The following ANKIB1 variants were observed in gnomAD, a reference collection of about 807,000 sequenced individuals.
The protein encoded by ANKIB1 is ankyrin repeat and IBR domain-containing protein 1.
Under a neutral mutation model 122.1 loss-of-function variants are expected in ANKIB1, and 43 were observed. The observed-to-expected ratio is 0.35, with a 90% CI of 0.28 to 0.45. ANKIB1 has a LOEUF of 0.45. Ranked by LOEUF, ANKIB1 falls within the 20% of genes least tolerant of loss-of-function variation. ANKIB1 has a pLI of 1.00. For missense variants in ANKIB1, 992 were observed against 1,329.5 expected (o/e 0.75, Z 3.95); for synonymous variants, 390 against 442.0 (o/e 0.88, Z 1.48).
intron 1 of ANKIB1, among the ~76,000 whole-genome samples, chr7:92,248,335 A>G (rs901298981): frequency 1.3e-5 from 2 of 152,056 alleles, no homozygotes; most frequent in Admixed American, 1.3e-4. Flanking sequence ...CTCCTGAAAC[A>G]TGGGAGGGAA....
intron 2 of ANKIB1, among the ~76,000 whole-genome samples, chr7:92,295,756 TTAAAA>T (rs1562774028): frequency 6.6e-6 from 1 of 152,180 alleles, no homozygotes; most frequent in Non-Finnish European, 1.5e-5. Flanking sequence ...CTAAGAAACT[TTAAAA>T]AATACCTATT....
chr7:92,325,151 C>T (rs946906425), intron 4 of ANKIB1, among the ~76,000 whole-genome samples: 19 of 152,180 alleles, frequency 1.2e-4, no homozygotes, highest in Middle Eastern at 3.2e-3. Context: ...TGTGTGACTA[C>T]ATCTGAGTGT....
intron 11 of ANKIB1, among the ~76,000 whole-genome samples, chr7:92,378,262 C>A (rs2115663836): frequency 6.6e-6 from 1 of 151,578 alleles, no homozygotes; most frequent in Non-Finnish European, 1.5e-5. Context: ...TTGCAGTATA[C>A]CAATTGAGCA....
chr7:92,324,454 G>A (rs1467024555), intron 4 of ANKIB1, among the ~76,000 whole-genome samples: 1 of 152,144 alleles, frequency 6.6e-6, no homozygotes, highest in African/African-American at 2.4e-5. Context: ...TGCTGGTCTT[G>A]AACTCGTGAC....
At chr7:92,247,203 A>T (rs1050552246) in intron 1 of ANKIB1, among the ~76,000 whole-genome samples, 21 of 152,206 alleles carry the variant, frequency 1.4e-4, no homozygotes, top group African/African-American at 5.1e-4. Context: ...ATTTCAGAAG[A>T]GCTTTACTGG....
At chr7:92,288,356 A>G (rs1304120100) in intron 1 of ANKIB1, among the ~76,000 whole-genome samples, 1 of 152,224 alleles carries the variant, frequency 6.6e-6, no homozygotes, top group Admixed American at 6.5e-5. Context: ...ATTACAGAAG[A>G]CATAAATAGA....
intron 3 of ANKIB1, among the ~76,000 whole-genome samples, chr7:92,314,708 T>TA (rs1802757454): frequency 6.6e-6 from 1 of 152,192 alleles, no homozygotes; most frequent in Non-Finnish European, 1.5e-5. Flanking sequence ...AAATAATTCT[T>TA]ACACAGTTTG....
chr7:92,267,549 G>A (rs988445743), intron 1 of ANKIB1, among the ~76,000 whole-genome samples: 9 of 152,088 alleles, frequency 5.9e-5, no homozygotes, highest in African/African-American at 1.4e-4. Flanking sequence ...TCTCCATAGA[G>A]ATTTTTATTT....
chr7:92,362,242 G>A lies in ANKIB1; in HGVS notation c.1455G>A (p.Leu485=), dbSNP rs781493154. The part of the protein sequence containing the change: ...PCDCQTWKNW[L]QKITEMKPEE... ...ACTGCCAAACATGGAAGAATTGGCT[G>A]CAAAAAATAACCGAAATGAAACCAG... is the stretch of plus-strand genomic sequence containing the variant. Residue 485 remains leucine (L), a synonymous_variant, in exon 10 of 20, where the codon CTG becomes CTA. Coordinates refer to ENST00000265742, the MANE Select transcript of ANKIB1 (RefSeq NM_019004.2). The A allele has an allele frequency of 4.4e-6, 7 of 1,598,034 alleles. No homozygotes were observed. Among genetic ancestry groups the A allele is most frequent in the Non-Finnish European group, 6.0e-6 (7 of 1,171,940 alleles).
intron 2 of ANKIB1, among the ~76,000 whole-genome samples, chr7:92,301,218 A>G (rs2131927490): frequency 6.6e-6 from 1 of 152,280 alleles, no homozygotes; most frequent in Admixed American, 6.5e-5. Flanking sequence ...CAGAAGTAAG[A>G]TTCCTGGATC....
At chr7:92,367,455 G>A (rs976597260) in intron 10 of ANKIB1, among the ~76,000 whole-genome samples, 1 of 151,944 alleles carries the variant, frequency 6.6e-6, no homozygotes, top group African/African-American at 2.4e-5. Context: ...GTGTGATTAG[G>A]TACTATTTTA....
intron 11 of ANKIB1, among the ~76,000 whole-genome samples, chr7:92,373,840 G>C (rs938081045): frequency 2.7e-5 from 4 of 149,462 alleles, no homozygotes; most frequent in Non-Finnish European, 6.0e-5. Flanking sequence ...CTAAAAATAA[G>C]CTTGTTTATT....
intron 8 of ANKIB1, among the ~76,000 whole-genome samples, chr7:92,351,739 G>A (rs914925938): frequency 8.5e-6 from 1 of 117,202 alleles, no homozygotes; most frequent in African/African-American, 3.3e-5. Flanking sequence ...TTTTTTTTTG[G>A]AGACGGAGTC....
chr7:92,382,476 C>G (rs1050438234), intron 11 of ANKIB1, among the ~76,000 whole-genome samples: 1 of 152,136 alleles, frequency 6.6e-6, no homozygotes, highest in Non-Finnish European at 1.5e-5. Flanking sequence ...CAAAATTGAC[C>G]ACGTAGTTGG....
intron 10 of ANKIB1, among the ~76,000 whole-genome samples, chr7:92,366,658 CT>C (rs1258789402): frequency 6.6e-6 from 1 of 152,182 alleles, no homozygotes; most frequent in African/African-American, 2.4e-5. Context: ...TTTGGGGTTT[CT>C]TCCCACAATT....
At chr7:92,372,677 TCTTTA>T (rs1447658728) in intron 11 of ANKIB1, among the ~76,000 whole-genome samples, 3 of 152,194 alleles carry the variant, frequency 2.0e-5, no homozygotes, top group South Asian at 2.1e-4. Flanking sequence ...ATAAATACCC[TCTTTA>T]CTTACTTGTA....
At chr7:92,356,873 G>A (rs1315128289) in intron 9 of ANKIB1, among the ~76,000 whole-genome samples, 1 of 152,210 alleles carries the variant, frequency 6.6e-6, no homozygotes, top group Non-Finnish European at 1.5e-5. Context: ...AAGTGAGTCA[G>A]TACATGTGAA....
intron 19 of ANKIB1, 92 bp downstream of exon 19, chr7:92,397,951 C>G: frequency 6.9e-7 from 1 of 1,458,910 alleles, no homozygotes; most frequent in Non-Finnish European, 9.2e-7. Flanking sequence ...TTTCCTATTT[C>G]TTCCTTCCAT....
intron 17 of ANKIB1, among the ~76,000 whole-genome samples, chr7:92,394,231 T>G (rs1402637457): frequency 6.6e-6 from 1 of 152,196 alleles, no homozygotes; most frequent in African/African-American, 2.4e-5. Flanking sequence ...ATTGTTGGAA[T>G]TATTACTTAA....
Sources: gnomAD v4.1 joint callset for allele counts (sites outside exome capture counted in the v4.1 genomes callset) on GRCh38, gnomAD v4.1.1 for gene constraint, MANE v1.5 for transcripts, NCBI Gene and HGNC (gene_info 2026-07-23, HGNC 2026-07-21) for gene names.